MCCC1: variants seen among roughly 807,000 people sequenced by gnomAD.
MCCC1 encodes the protein methylcrotonyl-CoA carboxylase subunit 1, also known as methylcrotonoyl-CoA carboxylase subunit alpha, mitochondrial.
Under a neutral mutation model 83.8 loss-of-function variants are expected in MCCC1, and 64 were observed. The ratio of observed to expected loss-of-function variants is 0.76; its 90% CI spans 0.62 to 0.94. MCCC1 has a LOEUF of 0.94. Among genes scored for constraint, MCCC1 ranks in the 40% least tolerant of loss-of-function variants. The pLI is 0.00. For missense variants in MCCC1, 807 were observed against 904.7 expected, an observed-to-expected ratio of 0.89 and a Z score of 1.39; for synonymous variants, 322 against 315.4, an observed-to-expected ratio of 1.02 and a Z score of -0.22.
chr3:183,051,940 CAA>C (rs1263130487), intron 9 of MCCC1, among the ~76,000 whole-genome samples: 1 of 152,068 alleles, frequency 6.6e-6, no homozygotes, highest in East Asian at 1.9e-4. Context: ...ATAATTAAGA[CAA>C]GTACTGTTTA....
In MCCC1 at chr3:183,020,166, G is replaced by A. The variant is rs199528231; in HGVS notation, c.1941C>T (p.Gly647=). ...LSSVSSQETQ[G]GPLAPMTGTI... ...TTCCAGTCATAGGAGCTAAGGGGCC[G>A]CCCTGAGTTTCTTGTGAGCTCACAG... is the stretch of plus-strand genomic sequence containing the variant. The change falls in exon 17 of 19, where the codon GGC becomes GGT. Residue 647 remains glycine (G), a synonymous_variant. Coordinates refer to ENST00000265594, the MANE Select transcript of MCCC1 (RefSeq NM_020166.5). 34 of 1,613,946 alleles carry A rather than the reference G, an allele frequency of 2.1e-5. No individual in the cohort carries two copies. The East Asian group carries it at 3.6e-4, about 17-fold the overall frequency.
At chr3:183,080,808 G>T (rs909415505) in intron 4 of MCCC1, among the ~76,000 whole-genome samples, 19 of 152,198 alleles carry the variant, frequency 1.2e-4, no homozygotes, top group African/African-American at 4.1e-4. Flanking sequence ...AGGCAAGGAG[G>T]AGCAAGTCAC....
chr3:183,082,019 C>G (rs547295146), intron 4 of MCCC1, among the ~76,000 whole-genome samples: 2 of 152,302 alleles, frequency 1.3e-5, no homozygotes, highest in Admixed American at 1.3e-4. Flanking sequence ...TAAAGGTGAA[C>G]AGTATGAGAG....
intron 7 of MCCC1, among the ~76,000 whole-genome samples, chr3:183,068,812 G>T (rs1218049627): frequency 2.0e-5 from 3 of 152,116 alleles, no homozygotes; most frequent in Non-Finnish European, 4.4e-5. Context: ...TTACCATTGT[G>T]TTACAAATGC....
At position 183,047,890 on chromosome 3, in the gene MCCC1, AAAGG is replaced by A. The variant is rs562083829; in HGVS notation, c.956-2354_956-2351del. 6.6e-5 allele frequency among the ~76,000 whole-genome samples: 10 copies of A among 152,362 alleles called. No homozygotes were observed. In the East Asian group the frequency reaches 1.7e-3, roughly 26 times the overall value. ...AGAACGAGAATACCAGAAGGAGAAG[AAAGG>A]AAGGAACAGAAGTAATATTTGAAAC... On this transcript the variant is annotated intron_variant, in intron 9 of 18. Transcript: ENST00000265594.
intron 4 of MCCC1, among the ~76,000 whole-genome samples, chr3:183,083,191 G>A (rs776740852): frequency 2.0e-5 from 3 of 152,112 alleles, no homozygotes; most frequent in Admixed American, 6.5e-5. Context: ...GTTATTCAAT[G>A]TCCTTTACTA....
intron 2 of MCCC1, 138 bp downstream of exon 2, chr3:183,094,421 C>T: frequency 1.2e-6 from 1 of 817,750 alleles, no homozygotes; most frequent in Non-Finnish European, 2.1e-6. Flanking sequence ...CTTAACACTT[C>T]CTAGAAAATT....
chr3:183,038,800 C>T (rs75450586), intron 12 of MCCC1, among the ~76,000 whole-genome samples: 1 of 152,354 alleles, frequency 6.6e-6, no homozygotes, highest in East Asian at 1.9e-4. Flanking sequence ...ATAGCACTGA[C>T]ACTAACAATT....
At chr3:183,057,172 A>G (rs1213254418) in intron 8 of MCCC1, 139 bp downstream of exon 8, 1 of 727,640 alleles carries the variant, frequency 1.4e-6, no homozygotes, top group Non-Finnish European at 2.4e-6. Flanking sequence ...AGGTCTTTTC[A>G]CTACACTGCT....
upstream of MCCC1, among the ~76,000 whole-genome samples, chr3:183,099,921 C>A (rs1468954069): frequency 6.6e-6 from 1 of 152,128 alleles, no homozygotes; most frequent in African/African-American, 2.4e-5. Context: ...TTTAAACCAC[C>A]TGAGCTTAAA....
chr3:183,067,277 GAAAAATTT>G (rs1716324356), intron 7 of MCCC1, among the ~76,000 whole-genome samples: 1 of 152,158 alleles, frequency 6.6e-6, no homozygotes, highest in South Asian at 2.1e-4. Flanking sequence ...CTCAAGAGGA[GAAAAATTT>G]ACCCAACTCA....
rs1315920706 is a variant in MCCC1 at position 183,057,378 on chromosome 3, A to G, written c.806T>C (p.Val269Ala). The G allele has an allele frequency of 6.2e-7, 1 of 1,610,770 alleles. No homozygotes were observed. Among genetic ancestry groups the G allele is most frequent in the Non-Finnish European group, 8.5e-7 (1 of 1,178,190 alleles). The change falls in exon 8 of 19, where the codon GTG becomes GCG. Residue 269 changes from valine to alanine, a missense_variant. Coordinates refer to ENST00000265594, the MANE Select transcript of MCCC1 (RefSeq NM_020166.5). ...ACTACAGTCTCTTTCAAACAAGTAC[A>G]CAGCATTGCCATGGTGATCACCAAA... is the stretch of plus-strand genomic sequence containing the variant. ...QVFGDHHGNAVYLFERDCSVQ... is the reference protein window; with the variant it reads ...QVFGDHHGNAAYLFERDCSVQ...
chr3:183,021,683 G>A (rs961041401), intron 16 of MCCC1, among the ~76,000 whole-genome samples: 13 of 151,990 alleles, frequency 8.6e-5, no homozygotes, highest in East Asian at 1.9e-4. Context: ...TCCATTATAC[G>A]GCCTCTATCA....
At position 183,030,029 on chromosome 3, in the gene MCCC1, C is replaced by A. The variant is rs115224144; in HGVS notation, c.1681+3962G>T. Among the ~76,000 whole-genome samples, 1,288 of 152,252 alleles carry A rather than the reference C, an allele frequency of 8.5e-3. 20 individuals are homozygous for A. The highest frequency in any genetic ancestry group is 0.03 in the African/African-American group (1,232 of 41,544). On this transcript the variant is annotated intron_variant, in intron 14 of 18. Transcript: ENST00000265594. Reference sequence around the variant, plus strand: ...GTGGGACAATTAACATTCTCTAGGCCTGGGGAGGTGGCTCACACCTGTAAT... The same window carrying A: ...GTGGGACAATTAACATTCTCTAGGCATGGGGAGGTGGCTCACACCTGTAAT...
chr3:183,022,690 A>T, intron 15 of MCCC1, 136 bp from the exon 16 acceptor site: 1 of 801,586 alleles, frequency 1.2e-6, no homozygotes, highest in Non-Finnish European at 1.9e-6. Context: ...TATATTTTTT[A>T]AAAAGTCATG....
chr3:183,086,090 A>C (rs1717873558), intron 4 of MCCC1, among the ~76,000 whole-genome samples: 1 of 152,160 alleles, frequency 6.6e-6, no homozygotes, highest in Non-Finnish European at 1.5e-5. Context: ...GCTCTCTAAC[A>C]CTGGTGGAAC....
chr3:183,105,670 C>G (rs1380719832), intron 1 of MCCC1, among the ~76,000 whole-genome samples: 3 of 150,040 alleles, frequency 2.0e-5, no homozygotes, highest in Non-Finnish European at 3.0e-5. Flanking sequence ...TTGTCATAAT[C>G]AAAAAGGAGT....
chr3:183,095,219 C>T (rs1163054507), intron 1 of MCCC1, among the ~76,000 whole-genome samples: 1 of 151,790 alleles, frequency 6.6e-6, no homozygotes, highest in African/African-American at 2.4e-5. Context: ...GGAGGCAGAG[C>T]TTGCAGTGAG....
Position 183,064,024 on chromosome 3 carries a change from C to T in MCCC1, c.762-6602G>A, listed in dbSNP as rs1019253829. On this transcript the variant is annotated intron_variant, in intron 7 of 18. Coordinates refer to ENST00000265594, the MANE Select transcript of MCCC1 (RefSeq NM_020166.5). The surrounding 1 kb of genome is among the most constrained non-coding windows in gnomAD (Gnocchi z 4.5). ...TGCTTGACTGAACTTGGGTTTGAAG[C>T]CCAACTTAGGAAGGTTAGATTCCTT... 1.6e-4 allele frequency among the ~76,000 whole-genome samples: 24 copies of T among 152,274 alleles called. 1 individual carries two copies. The highest frequency in any genetic ancestry group is 5.8e-4 in the African/African-American group (24 of 41,556).
Sources: allele counts gnomAD v4.1 joint callset (sites outside exome capture counted in the v4.1 genomes callset), GRCh38; gene constraint gnomAD v4.1.1; non-coding constraint Gnocchi (gnomAD v3.1); transcripts MANE v1.5; gene names NCBI Gene and HGNC (gene_info 2026-07-23, HGNC 2026-07-21).